The following FMN1 variants were observed in gnomAD, a reference collection of about 807,000 sequenced individuals.
FMN1 encodes the protein formin-1.
Under a neutral mutation model 132.4 loss-of-function variants are expected in FMN1, and 110 were observed. The ratio of observed to expected loss-of-function variants is 0.83; its 90% CI spans 0.71 to 0.97. The LOEUF (loss-of-function observed/expected upper bound fraction) is 0.97. Among genes scored for constraint, FMN1 ranks in the 50% least tolerant of loss-of-function variants. The probability of loss-of-function intolerance (pLI) is 0.00; values close to 1 mark genes in which losing one functional copy is unlikely to be tolerated. For synonymous variants in FMN1, 722 were observed against 651.7 expected (o/e 1.11, Z -1.64); for missense variants, 1,792 against 1,705.3 (o/e 1.05, Z -0.90).
rs1209381560 is a variant in FMN1, at chr15:32,773,751, T to C, written c.*559A>G. The C allele has an allele frequency of 6.6e-6, 1 of 152,390 alleles. No homozygotes were observed. Among genetic ancestry groups the C allele is most frequent in the Non-Finnish European group, 1.5e-5 (1 of 68,164 alleles). 9.4% of individuals were successfully genotyped at this position (152,390 alleles called of 1,614,324 possible). On this transcript the variant is annotated 3_prime_UTR_variant, in exon 21 of 21. Transcript: ENST00000616417. Reference sequence around the variant, plus strand: ...AACCATAACAACAAAAAATCATTTTTTTAGTCTGGATAATACATGTTCTTG... The same window carrying C: ...AACCATAACAACAAAAAATCATTTTCTTAGTCTGGATAATACATGTTCTTG...
chr15:33,068,338 A>G (rs1003341940), intron 5 of FMN1, among the ~76,000 whole-genome samples: 1 of 152,228 alleles, frequency 6.6e-6, no homozygotes, highest in African/African-American at 2.4e-5. Context: ...AAGGCTTCTG[A>G]AAGTGCTGAG....
At chr15:32,904,975 G>A (rs984209509) in intron 12 of FMN1, among the ~76,000 whole-genome samples, 4 of 152,104 alleles carry the variant, frequency 2.6e-5, no homozygotes, top group African/African-American at 9.7e-5. Context: ...TGGTACTTCT[G>A]AATATTTATG....
intron 7 of FMN1, among the ~76,000 whole-genome samples, chr15:33,000,317 C>T (rs879829192): frequency 1.6e-4 from 24 of 151,942 alleles, no homozygotes; most frequent in Non-Finnish European, 2.8e-4. Context: ...GGTGCAGTGG[C>T]GGCCGCCTGT....
intron 17 of FMN1, among the ~76,000 whole-genome samples, chr15:32,842,705 C>T (rs1269365756): frequency 1.3e-5 from 2 of 151,458 alleles, no homozygotes; most frequent in Non-Finnish European, 2.9e-5. Context: ...AAACGGCTGA[C>T]ATTTTTTAGC....
intron 4 of FMN1, among the ~76,000 whole-genome samples, chr15:33,116,362 C>A (rs930261394): frequency 6.6e-6 from 1 of 152,120 alleles, no homozygotes; most frequent in Non-Finnish European, 1.5e-5. Context: ...GCAACAAATC[C>A]GAGGCAGCCA....
At chr15:32,994,395 C>G (rs1229968993) in intron 7 of FMN1, among the ~76,000 whole-genome samples, 1 of 152,154 alleles carries the variant, frequency 6.6e-6, no homozygotes, top group African/African-American at 2.4e-5. Context: ...CCACACAAAG[C>G]TTCCCTGCAG....
chr15:32,918,248 A>G (rs760866544), intron 10 of FMN1, among the ~76,000 whole-genome samples: 1 of 152,190 alleles, frequency 6.6e-6, no homozygotes. Context: ...CTGACTAACA[A>G]GGAAAACTAA....
chr15:32,934,564 A>G (rs1024082245), intron 9 of FMN1, among the ~76,000 whole-genome samples: 4 of 112,006 alleles, frequency 3.6e-5, no homozygotes, highest in Admixed American at 8.5e-5. Context: ...ACGAACATCT[A>G]TTTCTCTTTT....
chr15:33,069,350 AG>A (rs2037892838), intron 5 of FMN1, among the ~76,000 whole-genome samples: 1 of 152,230 alleles, frequency 6.6e-6, no homozygotes, highest in Admixed American at 6.5e-5. Context: ...GCAGGCATGC[AG>A]TGAGTGCCTG....
At chr15:33,024,711 A>G (rs1461773202) in intron 6 of FMN1, among the ~76,000 whole-genome samples, 2 of 152,176 alleles carry the variant, frequency 1.3e-5, no homozygotes, top group African/African-American at 4.8e-5. Context: ...CAGAAATTCT[A>G]CTCTAATGTT....
At chr15:33,074,879 G>A (rs905776133) in intron 5 of FMN1, among the ~76,000 whole-genome samples, 5 of 151,874 alleles carry the variant, frequency 3.3e-5, no homozygotes, top group African/African-American at 9.7e-5. Context: ...TTAGCCAGGC[G>A]TGGTGGTGGT....
At chr15:33,193,483 C>T (rs752466448) in intron 2 of FMN1, among the ~76,000 whole-genome samples, 8 of 152,074 alleles carry the variant, frequency 5.3e-5, no homozygotes, top group Non-Finnish European at 1.0e-4. Flanking sequence ...GGCACATGTC[C>T]CATATGCAAA....
At chr15:33,097,114 C>T (rs538917469) in intron 4 of FMN1, among the ~76,000 whole-genome samples, 1 of 151,924 alleles carries the variant, frequency 6.6e-6, no homozygotes, top group Non-Finnish European at 1.5e-5. Flanking sequence ...GGTGACATGG[C>T]AAAACCCCAT....
At chr15:33,026,651 G>T (rs1250071115) in intron 6 of FMN1, among the ~76,000 whole-genome samples, 2 of 152,120 alleles carry the variant, frequency 1.3e-5, no homozygotes, top group Non-Finnish European at 2.9e-5. Flanking sequence ...TCTGTCCTTA[G>T]CTTGTGCTTT....
chr15:33,190,977 T>C (rs1409518671), intron 2 of FMN1, among the ~76,000 whole-genome samples: 1 of 152,184 alleles, frequency 6.6e-6, no homozygotes, highest in African/African-American at 2.4e-5. Context: ...AAGACCATCC[T>C]GGCTAACACG....
At chr15:33,048,644 A>AAACAAAAAAAAAAAAAAAACAAAAAC (rs1555388954) in intron 6 of FMN1, among the ~76,000 whole-genome samples, 18 of 86,892 alleles carry the variant, frequency 2.1e-4, no homozygotes, top group Non-Finnish European at 3.3e-4. Flanking sequence ...AAAAAAAAAA[A>AAACAAAAAAAAAAAAAAAACAAAAAC]AAAAACCAAC....
intron 16 of FMN1, among the ~76,000 whole-genome samples, chr15:32,880,053 T>C (rs190301278): frequency 0.064 from 5,148 of 80,828 alleles, 299 homozygotes; most frequent in African/African-American, 0.29. Flanking sequence ...GCTTCTATTG[T>C]TTTTTTTTTA....
intron 6 of FMN1, among the ~76,000 whole-genome samples, chr15:33,023,015 C>G (rs889150022): frequency 5.6e-5 from 8 of 144,036 alleles, no homozygotes; most frequent in African/African-American, 2.1e-4. Context: ...CCACTGCACT[C>G]CAGCCTGGGT....
chr15:32,895,371 AC>A (rs1430790475), intron 15 of FMN1, among the ~76,000 whole-genome samples: 3 of 152,154 alleles, frequency 2.0e-5, no homozygotes, highest in Non-Finnish European at 4.4e-5. Flanking sequence ...AAAAAAAAAA[AC>A]AAAAACACAA....
Sources: allele counts gnomAD v4.1 joint callset (sites outside exome capture counted in the v4.1 genomes callset), GRCh38; gene constraint gnomAD v4.1.1; transcripts MANE v1.5; gene names NCBI Gene and HGNC (gene_info 2026-07-23, HGNC 2026-07-21).